Variants in ZMYM2 observed in about 807,000 individuals in gnomAD.
ZMYM2 encodes zinc finger MYM-type protein 2.
ZMYM2 carries 56 observed loss-of-function variants against 162.8 expected under a neutral mutation model. The observed-to-expected ratio is 0.34, with a 90% CI of 0.28 to 0.43. The LOEUF (loss-of-function observed/expected upper bound fraction) is 0.43, where lower values mean the gene tolerates loss of function less well. ZMYM2 is among the 20% of genes least tolerant of loss of function. The pLI is 1.00. For missense variants in ZMYM2, 1,275 were observed against 1,621.8 expected (o/e 0.79, Z 3.67); for synonymous variants, 510 against 541.6 (o/e 0.94, Z 0.81).
At chr13:19,940,559 G>A in the ZMYM2 span, among the ~76,000 whole-genome samples, 26 of 152,108 alleles carry the variant, frequency 1.7e-4, no homozygotes, top group African/African-American at 5.3e-4. Context: ...CAATGAAAAA[G>A]TTTGTTTCTT....
chr13:20,069,523 T>G (rs969896876), intron 21 of ZMYM2, among the ~76,000 whole-genome samples: 3 of 152,010 alleles, frequency 2.0e-5, no homozygotes, highest in Admixed American at 6.6e-5. Flanking sequence ...GAGAGTTGTT[T>G]TTTTTTTAAT....
At chr13:19,909,509 T>C in the ZMYM2 span, among the ~76,000 whole-genome samples, 1 of 146,666 alleles carries the variant, frequency 6.8e-6, no homozygotes, top group Non-Finnish European at 1.5e-5. Flanking sequence ...CTTGGCTCAC[T>C]GCAACCTCCA....
At chr13:20,003,830 G>A (rs1950557498) in intron 4 of ZMYM2, among the ~76,000 whole-genome samples, 2 of 151,702 alleles carry the variant, frequency 1.3e-5, no homozygotes, top group South Asian at 4.2e-4. Flanking sequence ...TGTATTTTTA[G>A]TACAGATGAG....
chr13:19,889,588 C>T, the ZMYM2 span, among the ~76,000 whole-genome samples: 1 of 151,762 alleles, frequency 6.6e-6, no homozygotes, highest in Non-Finnish European at 1.5e-5. Context: ...CCAAAGTGAG[C>T]CACTGTGCCC....
chr13:19,959,877 C>T (rs1036096110), intron 1 of ZMYM2, 81 bp from the exon 2 acceptor site: 3 of 152,236 alleles, frequency 2.0e-5, no homozygotes, highest in African/African-American at 7.2e-5. Context: ...CCCTTCTCTG[C>T]CTCCTTCTGG....
At chr13:20,045,501 ATGTTT>A (rs1954687291) in intron 12 of ZMYM2, among the ~76,000 whole-genome samples, 1 of 152,216 alleles carries the variant, frequency 6.6e-6, no homozygotes, top group South Asian at 2.1e-4. Flanking sequence ...GTCTAAACAA[ATGTTT>A]TGTTTATGGA....
At chr13:20,059,314 TAAAA>T in intron 15 of ZMYM2, 129 bp from the exon 16 acceptor site, 1 of 870,616 alleles carries the variant, frequency 1.1e-6, no homozygotes, top group East Asian at 3.2e-5. Flanking sequence ...TTACCTAACT[TAAAA>T]AAACTGGGAA....
chr13:20,037,372 C>T (rs933737402), intron 12 of ZMYM2, among the ~76,000 whole-genome samples: 9 of 151,768 alleles, frequency 5.9e-5, no homozygotes, highest in African/African-American at 1.9e-4. Context: ...CGTGCCACCA[C>T]GCCCAGCTAA....
the ZMYM2 span, among the ~76,000 whole-genome samples, chr13:19,893,706 G>A: frequency 6.6e-6 from 1 of 151,740 alleles, no homozygotes; most frequent in Non-Finnish European, 1.5e-5. Context: ...CACGACTGCA[G>A]TCTAGCCTGG....
the ZMYM2 span, among the ~76,000 whole-genome samples, chr13:19,873,184 G>C: frequency 2.0e-5 from 3 of 151,990 alleles, no homozygotes; most frequent in Non-Finnish European, 4.4e-5. Context: ...TACTCAGATT[G>C]TATCAATGGT....
intron 6 of ZMYM2, among the ~76,000 whole-genome samples, chr13:20,016,016 C>T (rs550130650): frequency 3.8e-4 from 57 of 151,766 alleles, no homozygotes; most frequent in Non-Finnish European, 6.6e-4. Context: ...ACATAATTAC[C>T]AATAAGGAAG....
intron 9 of ZMYM2, among the ~76,000 whole-genome samples, chr13:20,030,548 G>T (rs868568477): frequency 2.0e-5 from 3 of 152,210 alleles, no homozygotes; most frequent in Middle Eastern, 3.4e-3. Context: ...ACAGGCACCT[G>T]CCACCACCCC....
the ZMYM2 span, among the ~76,000 whole-genome samples, chr13:19,885,861 A>AT: frequency 0.022 from 1,148 of 53,022 alleles, 209 homozygotes; most frequent in Non-Finnish European, 0.041. Context: ...AAAAAAAAAA[A>AT]AATATATATA....
At chr13:20,026,856 C>T in intron 8 of ZMYM2, 94 bp downstream of exon 8, 2 of 1,310,156 alleles carry the variant, frequency 1.5e-6, no homozygotes, top group South Asian at 3.1e-5. Flanking sequence ...TTGTTTTTAA[C>T]AGCTTTTTAT....
intron 6 of ZMYM2, among the ~76,000 whole-genome samples, chr13:20,015,265 A>G (rs1278925259): frequency 6.6e-6 from 1 of 152,012 alleles, no homozygotes; most frequent in Non-Finnish European, 1.5e-5. Flanking sequence ...TGAATTTTCT[A>G]AGTGTTCCTT....
chr13:20,052,370 AATT>A (rs1955439804), intron 14 of ZMYM2, 59 bp downstream of exon 14: 1 of 1,466,882 alleles, frequency 6.8e-7, no homozygotes. Flanking sequence ...GGTAAAAAAT[AATT>A]AGGCCAATTT....
At chr13:19,975,122 A>G (rs971976940) in intron 2 of ZMYM2, among the ~76,000 whole-genome samples, 30 of 151,298 alleles carry the variant, frequency 2.0e-4, no homozygotes, top group African/African-American at 7.3e-4. Flanking sequence ...TTTTCTTTTC[A>G]TAGGATATCA....
the ZMYM2 span, among the ~76,000 whole-genome samples, chr13:19,886,097 G>C: frequency 3.0e-4 from 44 of 147,084 alleles, no homozygotes; most frequent in Admixed American, 4.1e-4. Flanking sequence ...CTTTGCAAAA[G>C]AAGCTGCATA....
chr13:19,874,399 T>C, the ZMYM2 span, among the ~76,000 whole-genome samples: 1 of 151,324 alleles, frequency 6.6e-6, no homozygotes, highest in Non-Finnish European at 1.5e-5. Context: ...TTTATTTATG[T>C]ATTTATTTAT....
Sources: allele counts gnomAD v4.1 joint callset (sites outside exome capture counted in the v4.1 genomes callset), GRCh38; gene constraint gnomAD v4.1.1; transcripts MANE v1.5; gene names NCBI Gene and HGNC (gene_info 2026-07-23, HGNC 2026-07-21).